The following NLGN1 variants were observed in gnomAD, a reference collection of about 807,000 sequenced individuals.
NLGN1 encodes the protein neuroligin-1.
A neutral mutation model predicts 65.5 loss-of-function variants in NLGN1; 12 were observed. That is an observed-to-expected ratio of 0.18 (90% confidence interval 0.12 to 0.30). NLGN1 has a LOEUF of 0.30. Ranked by LOEUF, NLGN1 falls within the 10% of genes least tolerant of loss-of-function variation. The pLI, the probability that NLGN1 is intolerant of heterozygous loss-of-function variation, is 1.00. For synonymous variants in NLGN1, 350 were observed against 359.5 expected (o/e 0.97, Z 0.30); for missense variants, 750 against 1,007.1 (o/e 0.74, Z 3.46).
chr3:173,637,929 C>T (rs1756842162), intron 3 of NLGN1, among the ~76,000 whole-genome samples: 1 of 152,138 alleles, frequency 6.6e-6, no homozygotes, highest in Admixed American at 6.5e-5. Flanking sequence ...GCGTTTCATT[C>T]CCTTATCTTT....
chr3:173,993,029 G>T (rs939864040), intron 4 of NLGN1, among the ~76,000 whole-genome samples: 2 of 152,044 alleles, frequency 1.3e-5, no homozygotes, highest in Non-Finnish European at 2.9e-5. Context: ...GGGGATAAAT[G>T]GTTCTTCATT....
At chr3:173,474,700 C>T (rs1307481538) in intron 2 of NLGN1, among the ~76,000 whole-genome samples, 1 of 152,250 alleles carries the variant, frequency 6.6e-6, no homozygotes, top group South Asian at 2.1e-4. Flanking sequence ...TTGCTCACAA[C>T]TGTAATCCTA....
intron 4 of NLGN1, among the ~76,000 whole-genome samples, chr3:173,815,148 G>T (rs1268700706): frequency 7.1e-6 from 1 of 140,640 alleles, no homozygotes; most frequent in African/African-American, 2.7e-5. Flanking sequence ...TTAAGATGGA[G>T]TCTCCCTCTG....
At chr3:173,806,131 T>C (rs749897006) in intron 3 of NLGN1, among the ~76,000 whole-genome samples, 3 of 152,236 alleles carry the variant, frequency 2.0e-5, no homozygotes, top group Non-Finnish European at 4.4e-5. Context: ...AAGTCAAATT[T>C]AAATAGTCTT....
intron 1 of NLGN1, among the ~76,000 whole-genome samples, chr3:173,410,434 C>G (rs1334842243): frequency 6.6e-6 from 1 of 152,184 alleles, no homozygotes. Context: ...AACGCTACCT[C>G]AATTGTGACA....
intron 4 of NLGN1, among the ~76,000 whole-genome samples, chr3:173,962,463 A>G (rs1713833163): frequency 6.6e-6 from 1 of 152,126 alleles, no homozygotes; most frequent in African/African-American, 2.4e-5. Context: ...ATACTCTACC[A>G]TGGACTGTCA....
At chr3:173,711,227 A>G (rs1301216916) in intron 3 of NLGN1, among the ~76,000 whole-genome samples, 2 of 152,210 alleles carry the variant, frequency 1.3e-5, no homozygotes, top group East Asian at 1.9e-4. Flanking sequence ...AACAATTCAC[A>G]ATAATATTTC....
chr3:173,795,418 A>G (rs1055198428), intron 3 of NLGN1, among the ~76,000 whole-genome samples: 2 of 152,154 alleles, frequency 1.3e-5, no homozygotes, highest in Non-Finnish European at 2.9e-5. Context: ...CATATAATCA[A>G]TAGTTTTAAA....
At chr3:174,219,658 A>G (rs1307216008) in intron 4 of NLGN1, among the ~76,000 whole-genome samples, 1 of 152,174 alleles carries the variant, frequency 6.6e-6, no homozygotes, top group African/African-American at 2.4e-5. Context: ...ACAGATAATC[A>G]GTTCCTTGAA....
At chr3:173,665,193 T>C (rs931113968) in intron 3 of NLGN1, among the ~76,000 whole-genome samples, 8 of 151,836 alleles carry the variant, frequency 5.3e-5, no homozygotes, top group Non-Finnish European at 1.2e-4. Context: ...TGGGAGGTAA[T>C]TAGATTGTGA....
At chr3:174,153,656 G>C (rs969594339) in intron 4 of NLGN1, among the ~76,000 whole-genome samples, 2 of 152,034 alleles carry the variant, frequency 1.3e-5, no homozygotes, top group Non-Finnish European at 2.9e-5. Flanking sequence ...ATATGTTATA[G>C]TATAACTTTT....
chr3:174,155,609 T>C lies in NLGN1; in HGVS notation c.647-119706T>C, dbSNP rs183276035. On this transcript the variant is annotated intron_variant, in intron 4 of 6. Transcript: ENST00000457714. ...TAAGGTTGTAATGGAGTTTTTTTTT[T>C]CCCATTTGGTTCTCATTTTCAGACA... Among the ~76,000 whole-genome samples, 377 of 152,026 alleles carry C rather than the reference T, an allele frequency of 2.5e-3. 2 individuals carry two copies. The highest frequency in any genetic ancestry group is 0.01 in the Middle Eastern group (3 of 292).
intron 3 of NLGN1, among the ~76,000 whole-genome samples, chr3:173,691,760 A>C (rs1765493699): frequency 6.6e-6 from 1 of 152,094 alleles, no homozygotes; most frequent in African/African-American, 2.4e-5. Context: ...ACTTGCTTCT[A>C]AATGTTACTG....
At chr3:173,499,845 G>A (rs1358939277) in intron 2 of NLGN1, among the ~76,000 whole-genome samples, 4 of 151,822 alleles carry the variant, frequency 2.6e-5, no homozygotes, top group African/African-American at 9.7e-5. Flanking sequence ...CTCATGATTT[G>A]GCTCTCTGTT....
chr3:174,267,341 A>T (rs1361525085), intron 4 of NLGN1, among the ~76,000 whole-genome samples: 1 of 152,124 alleles, frequency 6.6e-6, no homozygotes, highest in Non-Finnish European at 1.5e-5. Flanking sequence ...TTCATGAAGG[A>T]TCTGCTTCCA....
At chr3:173,620,471 A>T (rs1753815012) in intron 3 of NLGN1, among the ~76,000 whole-genome samples, 1 of 152,096 alleles carries the variant, frequency 6.6e-6, no homozygotes, top group Admixed American at 6.6e-5. Context: ...GAACTCAAGA[A>T]GGCAGGATAG....
At chr3:173,746,051 T>C (rs1456132701) in intron 3 of NLGN1, among the ~76,000 whole-genome samples, 2 of 151,976 alleles carry the variant, frequency 1.3e-5, no homozygotes, top group Non-Finnish European at 2.9e-5. Flanking sequence ...ATAAAGGTAA[T>C]TATAAGGATT....
At chr3:173,730,020 T>C (rs1451615608) in intron 3 of NLGN1, among the ~76,000 whole-genome samples, 1 of 151,882 alleles carries the variant, frequency 6.6e-6, no homozygotes, top group East Asian at 1.9e-4. Flanking sequence ...GCTAGAAAAA[T>C]GCATTAATTC....
intron 4 of NLGN1, among the ~76,000 whole-genome samples, chr3:174,254,644 G>A (rs952308088): frequency 2.0e-5 from 3 of 151,804 alleles, no homozygotes; most frequent in South Asian, 2.1e-4. Context: ...TTTTATCTAC[G>A]TAATGTCAGG....
Sources: gnomAD v4.1 joint callset for allele counts (sites outside exome capture counted in the v4.1 genomes callset) on GRCh38, gnomAD v4.1.1 for gene constraint, MANE v1.5 for transcripts, NCBI Gene and HGNC (gene_info 2026-07-23, HGNC 2026-07-21) for gene names.